Variants in PGBD2 observed in about 807,000 individuals in gnomAD.
PGBD2 encodes the protein piggyBac transposable element-derived protein 2.
In PGBD2, 6 loss-of-function variants were observed where a neutral mutation model predicts 8.1. The observed-to-expected ratio is 0.74, with a 90% CI of 0.40 to 1.46. The LOEUF is 1.46. Ranked by LOEUF, PGBD2 falls within the 40% of genes most tolerant of loss-of-function variation. The pLI, the probability that PGBD2 is intolerant of heterozygous loss-of-function variation, is 0.02. For synonymous variants in PGBD2, 318 were observed against 272.2 expected (o/e 1.17, Z -1.66); for missense variants, 802 against 739.0 (o/e 1.09, Z -0.99).
downstream of PGBD2, among the ~76,000 whole-genome samples, chr1:248,924,914 A>G (rs1662353688): frequency 6.6e-6 from 1 of 152,188 alleles, no homozygotes; most frequent in Admixed American, 6.5e-5. Context: ...CCTCTAGTGG[A>G]TTCTGGCAGG....
At chr1:248,903,919 T>A (rs996551849), upstream of PGBD2, among the ~76,000 whole-genome samples, 2 of 152,210 alleles carry the variant, frequency 1.3e-5, no homozygotes. Context: ...TCATCAACCA[T>A]AAGGTGTTAT....
At position 248,913,843 on chromosome 1, in the gene PGBD2, C is replaced by A; in HGVS notation, c.-20C>A. On this transcript the variant is annotated 5_prime_UTR_variant, in exon 2 of 3. Coordinates refer to ENST00000329291, the MANE Select transcript of PGBD2 (RefSeq NM_170725.3). Reference sequence around the variant, plus strand: ...TCTTAGACTCTGTGAGTAAAGACAGCTTCATCTTCCCAGTTCATCATGGCT... The same window carrying A: ...TCTTAGACTCTGTGAGTAAAGACAGATTCATCTTCCCAGTTCATCATGGCT... 1 of 1,602,734 alleles carries A rather than the reference C, an allele frequency of 6.2e-7. No homozygotes were observed. Among genetic ancestry groups the A allele is most frequent in the Non-Finnish European group, 8.5e-7 (1 of 1,169,680 alleles).
At chr1:248,919,480 C>G (rs919225956), downstream of PGBD2, 2 of 166,888 alleles carry the variant, frequency 1.2e-5, no homozygotes, top group African/African-American at 4.8e-5. Context: ...TTTCTTTATC[C>G]ATTCTTCTGT....
chr1:248,899,755 A>T, the PGBD2 span, among the ~76,000 whole-genome samples: 2 of 151,738 alleles, frequency 1.3e-5, no homozygotes, highest in South Asian at 4.2e-4. Context: ...GACATCAAAA[A>T]CCCTTAAAAA....
intron 2 of PGBD2, chr1:248,914,655 G>A: frequency 8.2e-7 from 1 of 1,224,706 alleles, no homozygotes; most frequent in Non-Finnish European, 1.1e-6. Flanking sequence ...GGGGCACAGG[G>A]AAGCTGCAGG....
chr1:248,920,350 T>C (rs753256758), downstream of PGBD2, among the ~76,000 whole-genome samples: 4 of 150,496 alleles, frequency 2.7e-5, no homozygotes, highest in Non-Finnish European at 4.4e-5. Flanking sequence ...CCTATGTCCA[T>C]GTGTTCTTAT....
the PGBD2 span, among the ~76,000 whole-genome samples, chr1:248,925,422 T>G: frequency 0.024 from 3,620 of 152,322 alleles, 69 homozygotes; most frequent in Non-Finnish European, 0.037. Context: ...CGCTGACTGT[T>G]GAAGCCACAA....
Position 248,908,797 on chromosome 1 carries a change from T to C in PGBD2, c.-48+2455T>C, listed in dbSNP as rs547408956. Among the ~76,000 whole-genome samples, 6 of 152,192 alleles carry C rather than the reference T, an allele frequency of 3.9e-5. No individual in the cohort carries two copies. The South Asian group carries it at 1.2e-3, about 32-fold the overall frequency. The stretch of plus-strand genomic sequence containing the variant: ...TCTTGTACCCTGTCCCGCAGATTCC[T>C]TACTCTGGCGTCACTGCTTTGCTTC... On this transcript the variant is annotated intron_variant, in intron 1 of 2. Transcript: ENST00000329291.
At chr1:248,893,135 G>A in the PGBD2 span, among the ~76,000 whole-genome samples, 1 of 152,138 alleles carries the variant, frequency 6.6e-6, no homozygotes, top group African/African-American at 2.4e-5. Context: ...TTTGGACATA[G>A]GTGCATACTC....
chr1:248,926,301 CATT>C, the PGBD2 span, among the ~76,000 whole-genome samples: 21 of 152,222 alleles, frequency 1.4e-4, no homozygotes, highest in Admixed American at 2.6e-4. Flanking sequence ...AATAATTTTA[CATT>C]ATTATTAATA....
At chr1:248,929,694 G>A in the PGBD2 span, among the ~76,000 whole-genome samples, 3 of 152,180 alleles carry the variant, frequency 2.0e-5, no homozygotes, top group Admixed American at 6.5e-5. Flanking sequence ...CACCTGTGGA[G>A]GGAATTATAA....
chr1:248,919,775 A>G (rs937000262), downstream of PGBD2: 2 of 166,874 alleles, frequency 1.2e-5, no homozygotes, highest in Non-Finnish European at 2.9e-5. Context: ...TTTGGATTAC[A>G]GCCATTTCTG....
chr1:248,913,732 T>A (rs1187862597), intron 1 of PGBD2, 84 bp from the exon 2 acceptor site: 2 of 761,242 alleles, frequency 2.6e-6, no homozygotes, highest in Middle Eastern at 2.5e-4. Flanking sequence ...CAAATATATT[T>A]TTCCCTTAAA....
the PGBD2 span, among the ~76,000 whole-genome samples, chr1:248,889,669 C>T: frequency 1.3e-5 from 2 of 152,094 alleles, no homozygotes; most frequent in African/African-American, 4.8e-5. Context: ...GGGAGGAAGT[C>T]TCTTAGGTAA....
At chr1:248,904,308 C>G (rs932409533), upstream of PGBD2, among the ~76,000 whole-genome samples, 3 of 151,490 alleles carry the variant, frequency 2.0e-5, no homozygotes, top group African/African-American at 7.3e-5. Context: ...TCCTATCATG[C>G]AGTTCTTCTG....
the PGBD2 span, among the ~76,000 whole-genome samples, chr1:248,885,281 T>C: frequency 6.6e-6 from 1 of 151,724 alleles, no homozygotes; most frequent in East Asian, 1.9e-4. Context: ...ACTACAGGCA[T>C]GAGCCACGAT....
At chr1:248,921,564 A>G (rs1011476227), downstream of PGBD2, among the ~76,000 whole-genome samples, 1 of 152,224 alleles carries the variant, frequency 6.6e-6, no homozygotes, top group African/African-American at 2.4e-5. Flanking sequence ...GAAGTCAGGT[A>G]GCATGATGCC....
upstream of PGBD2, among the ~76,000 whole-genome samples, chr1:248,903,384 T>A (rs1191997097): frequency 6.6e-6 from 1 of 152,018 alleles, no homozygotes; most frequent in Non-Finnish European, 1.5e-5. Context: ...TAGCATAGTC[T>A]TACTATGTTG....
chr1:248,923,906 C>T (rs917893428), downstream of PGBD2, among the ~76,000 whole-genome samples: 2 of 152,170 alleles, frequency 1.3e-5, no homozygotes, highest in Non-Finnish European at 2.9e-5. Context: ...GACCAGCTAC[C>T]AAGACAGCTC....
Sources: allele counts gnomAD v4.1 joint callset (sites outside exome capture counted in the v4.1 genomes callset), GRCh38; gene constraint gnomAD v4.1.1; transcripts MANE v1.5; gene names NCBI Gene and HGNC (gene_info 2026-07-23, HGNC 2026-07-21).